Variants in CACNA1D observed in about 807,000 individuals in gnomAD.
CACNA1D encodes voltage-dependent L-type calcium channel subunit alpha-1D.
In CACNA1D, 55 loss-of-function variants were observed where a neutral mutation model predicts 257.1. The ratio of observed to expected loss-of-function variants is 0.21; its 90% CI spans 0.17 to 0.27. CACNA1D has a LOEUF of 0.27. Among genes scored for constraint, CACNA1D ranks in the 10% least tolerant of loss-of-function variants. The probability of loss-of-function intolerance (pLI) is 1.00; values close to 1 mark genes in which losing one functional copy is unlikely to be tolerated. For synonymous variants in CACNA1D, 980 were observed against 1,014.9 expected (o/e 0.97, Z 0.65); for missense variants, 1,876 against 2,784.0 (o/e 0.67, Z 7.34).
At chr3:53,572,192 C>T (rs1440511390) in intron 3 of CACNA1D, among the ~76,000 whole-genome samples, 3 of 152,044 alleles carry the variant, frequency 2.0e-5, no homozygotes, top group South Asian at 2.1e-4. Flanking sequence ...AAATGGAATC[C>T]AGCTCTTTCT....
At chr3:53,632,986 G>T (rs545748022) in intron 3 of CACNA1D, among the ~76,000 whole-genome samples, 1 of 152,310 alleles carries the variant, frequency 6.6e-6, no homozygotes, top group African/African-American at 2.4e-5. Context: ...GCACTTAACT[G>T]CTGGAAAAAT....
rs555823347 is a variant in CACNA1D, at chr3:53,680,573, T to G, written c.1220+7447T>G. Among the ~76,000 whole-genome samples, 142 of 152,282 alleles carry G rather than the reference T, an allele frequency of 9.3e-4. 1 individual carries two copies. The Middle Eastern group carries it at 0.01, about 11-fold the overall frequency. On this transcript the variant is annotated intron_variant, in intron 8 of 47. Transcript: ENST00000350061. ...TTGCAGGGGAGGCTGTTGAATCTGTTGATCCCAAATCCTAGGGGAAGAGAA... is the reference window on the plus strand; with the variant it reads ...TTGCAGGGGAGGCTGTTGAATCTGTGGATCCCAAATCCTAGGGGAAGAGAA...
intron 32 of CACNA1D, among the ~76,000 whole-genome samples, 173 bp downstream of exon 32, chr3:53,770,725 A>C (rs2095361681): frequency 6.6e-6 from 1 of 152,234 alleles, no homozygotes; most frequent in Admixed American, 6.5e-5. Flanking sequence ...TGGGTCAATC[A>C]CATGGGATTA....
At chr3:53,640,210 C>T (rs151322475) in intron 3 of CACNA1D, among the ~76,000 whole-genome samples, 84 of 152,256 alleles carry the variant, frequency 5.5e-4, no homozygotes, top group African/African-American at 1.9e-3. Context: ...GGAGGGTTGA[C>T]CTGAACTCCA....
Position 53,673,360 on chromosome 3 carries a change from G to A in CACNA1D, c.1220+234G>A, listed in dbSNP as rs1031575618. 5.3e-5 allele frequency among the ~76,000 whole-genome samples: 8 copies of A among 152,136 alleles called. No individual in the cohort carries two copies. Among genetic ancestry groups the A allele is most frequent in the African/African-American group, 1.9e-4 (8 of 41,414 alleles). Reference sequence around the variant, plus strand: ...TGACCAGAAATTAATCAGCATTGTTGCTTGAGATTTAAACAATTTCCATAG... The same window carrying A: ...TGACCAGAAATTAATCAGCATTGTTACTTGAGATTTAAACAATTTCCATAG... On this transcript the variant is annotated intron_variant, in intron 8 of 47. Coordinates refer to ENST00000350061, the MANE Select transcript of CACNA1D (RefSeq NM_001128840.3). The surrounding 1 kb of genome is among the most constrained non-coding windows in gnomAD (Gnocchi z 4.1).
intron 39 of CACNA1D, among the ~76,000 whole-genome samples, chr3:53,784,709 C>T (rs999605606): frequency 1.3e-5 from 2 of 152,156 alleles, no homozygotes; most frequent in African/African-American, 4.8e-5. Flanking sequence ...AAGGCTGTGG[C>T]ATGGCAGGCC....
At chr3:53,536,052 G>T (rs977724198) in intron 3 of CACNA1D, among the ~76,000 whole-genome samples, 2 of 152,068 alleles carry the variant, frequency 1.3e-5, no homozygotes, top group Non-Finnish European at 2.9e-5. Flanking sequence ...TTGTTGGTTG[G>T]TTTCATTATA....
chr3:53,570,769 G>A (rs1331078219), intron 3 of CACNA1D, among the ~76,000 whole-genome samples: 1 of 152,216 alleles, frequency 6.6e-6, no homozygotes, highest in African/African-American at 2.4e-5. Flanking sequence ...TGCAGTATGT[G>A]GTAAGTGCCA....
chr3:53,808,230 C>T (rs185380790), intron 45 of CACNA1D: 8 of 231,012 alleles, frequency 3.5e-5, no homozygotes, highest in South Asian at 1.1e-4. Context: ...CTGGCTAACA[C>T]GGTGAAACCC....
intron 45 of CACNA1D, among the ~76,000 whole-genome samples, chr3:53,806,210 T>TCCCTCCTCC (rs1253178170): frequency 1.9e-3 from 225 of 115,470 alleles, no homozygotes; most frequent in African/African-American, 6.7e-3. Flanking sequence ...TCCCTCATCT[T>TCCCTCCTCC]CCCTCCTCCC....
intron 30 of CACNA1D, among the ~76,000 whole-genome samples, chr3:53,763,178 C>T (rs1308118568): frequency 1.3e-5 from 2 of 152,178 alleles, no homozygotes; most frequent in African/African-American, 4.8e-5. Flanking sequence ...AAGGGTGATG[C>T]CAGCCAGTGG....
intron 3 of CACNA1D, among the ~76,000 whole-genome samples, chr3:53,617,876 G>C (rs1315158791): frequency 6.6e-6 from 1 of 152,172 alleles, no homozygotes; most frequent in Non-Finnish European, 1.5e-5. Context: ...CCTGGACTTG[G>C]AGACCAAACA....
At position 53,723,789 on chromosome 3, in the gene CACNA1D, T is replaced by C. The variant is rs755763353; in HGVS notation, c.1893-3T>C. ...GAGCTGACACCCTCATCTTGACTTATAGGCACTGGACTTCCCTGAGCAACT... is the reference window on the plus strand; with the variant it reads ...GAGCTGACACCCTCATCTTGACTTACAGGCACTGGACTTCCCTGAGCAACT... On this transcript the variant is annotated splice_polypyrimidine_tract_variant and splice_region_variant and intron_variant, in intron 13 of 47. Transcript: ENST00000350061. This position sits in a 1 kb window ranked among gnomAD's most constrained non-coding sequence, Gnocchi z 5.6. The C allele has an allele frequency of 1.5e-5, 24 of 1,612,494 alleles. No individual in the cohort carries two copies. Among genetic ancestry groups the C allele is most frequent in the South Asian group, 3.3e-5 (3 of 91,056 alleles).
intron 3 of CACNA1D, among the ~76,000 whole-genome samples, chr3:53,641,828 A>G (rs957435870): frequency 2.0e-5 from 3 of 152,170 alleles, no homozygotes; most frequent in African/African-American, 7.2e-5. Flanking sequence ...TAGGGCTCGG[A>G]GGCCCTGTGT....
At chr3:53,525,734 T>C (rs2091739940) in intron 3 of CACNA1D, among the ~76,000 whole-genome samples, 1 of 152,170 alleles carries the variant, frequency 6.6e-6, no homozygotes, top group Non-Finnish European at 1.5e-5. Flanking sequence ...GAGTCCTTCC[T>C]GACCTCAAGA....
chr3:53,496,145 T>G (rs2090335819), intron 1 of CACNA1D, among the ~76,000 whole-genome samples: 1 of 152,248 alleles, frequency 6.6e-6, no homozygotes, highest in Non-Finnish European at 1.5e-5. Context: ...AATAATTGGC[T>G]TTGCAAACGC....
Position 53,751,681 on chromosome 3 carries a change from A to G in CACNA1D, c.3517-68A>G. Reference sequence around the variant, plus strand: ...TGTAGGGTGAGCTCTTTCAGAGCAGATGACCACGGGGTCCTCCTTCCCTGC... The same window carrying G: ...TGTAGGGTGAGCTCTTTCAGAGCAGGTGACCACGGGGTCCTCCTTCCCTGC... On this transcript the variant is annotated intron_variant, in intron 27 of 47. Coordinates refer to ENST00000350061, the MANE Select transcript of CACNA1D (RefSeq NM_001128840.3). This position sits in a 1 kb window ranked among gnomAD's most constrained non-coding sequence, Gnocchi z 4.3. The G allele has an allele frequency of 6.5e-7, 1 of 1,538,286 alleles. No individual in the cohort carries two copies. Among genetic ancestry groups the G allele is most frequent in the Non-Finnish European group, 9.0e-7 (1 of 1,111,838 alleles).
intron 37 of CACNA1D, among the ~76,000 whole-genome samples, chr3:53,778,954 T>C (rs2095412046): frequency 6.6e-6 from 1 of 152,220 alleles, no homozygotes; most frequent in Non-Finnish European, 1.5e-5. Context: ...TCCCAGGCCC[T>C]GTGCCTGGCC....
chr3:53,673,959 G>A lies in CACNA1D; in HGVS notation c.1220+833G>A. 1 of 718,936 alleles carries A rather than the reference G, an allele frequency of 1.4e-6. No homozygotes were observed. The highest frequency in any genetic ancestry group is 2.6e-6 in the Non-Finnish European group (1 of 385,538). 44.5% of individuals were successfully genotyped at this position (718,936 alleles called of 1,614,324 possible). A position where few individuals can be genotyped will look rare whatever the true frequency, so the allele number is the denominator to read the frequency against. On this transcript the variant is annotated intron_variant, in intron 8 of 47. Coordinates refer to ENST00000350061, the MANE Select transcript of CACNA1D (RefSeq NM_001128840.3). This position sits in a 1 kb window ranked among gnomAD's most constrained non-coding sequence, Gnocchi z 4.1. Reference sequence around the variant, plus strand: ...CAGTGTGTTGCTTTTGGATTGAACTGTGATTCTTTCTGCCTGTATCTGTCT... The same window carrying A: ...CAGTGTGTTGCTTTTGGATTGAACTATGATTCTTTCTGCCTGTATCTGTCT...
Sources: gnomAD v4.1 joint callset for allele counts (sites outside exome capture counted in the v4.1 genomes callset) on GRCh38, gnomAD v4.1.1 for gene constraint, Gnocchi (gnomAD v3.1) non-coding constraint, MANE v1.5 for transcripts, NCBI Gene and HGNC (gene_info 2026-07-23, HGNC 2026-07-21) for gene names.